The following PEAK1 variants were observed in gnomAD, a reference collection of about 807,000 sequenced individuals.
PEAK1 encodes pseudopodium enriched atypical kinase 1.
PEAK1 carries 54 observed loss-of-function variants against 124.7 expected under a neutral mutation model. That is an observed-to-expected ratio of 0.43 (90% CI 0.35 to 0.54). The LOEUF is 0.54. Among genes scored for constraint, PEAK1 ranks in the 20% least tolerant of loss-of-function variants. The pLI is 0.01. For missense variants in PEAK1, 2,046 were observed against 2,134.5 expected (o/e 0.96, Z 0.82); for synonymous variants, 719 against 760.0 (o/e 0.95, Z 0.89).
chr15:77,346,429 T>C, intron 2 of PEAK1: 1 of 984,870 alleles, frequency 1.0e-6, no homozygotes, highest in Middle Eastern at 5.2e-4. Context: ...ATGACAGTGA[T>C]CAGTCCCTTG....
chr15:77,281,748 G>A (rs1051636711), intron 5 of PEAK1, among the ~76,000 whole-genome samples: 1 of 151,978 alleles, frequency 6.6e-6, no homozygotes, highest in African/African-American at 2.4e-5. Context: ...AAAAATAAAC[G>A]TGGCATACAT....
intron 5 of PEAK1, among the ~76,000 whole-genome samples, chr15:77,256,727 A>C (rs1410247969): frequency 6.6e-6 from 1 of 151,696 alleles, no homozygotes; most frequent in East Asian, 1.9e-4. Context: ...ATTTTTTTTA[A>C]ATTTTATTAT....
At chr15:77,262,953 T>C (rs1193026678) in intron 5 of PEAK1, among the ~76,000 whole-genome samples, 1 of 152,078 alleles carries the variant, frequency 6.6e-6, no homozygotes, top group Non-Finnish European at 1.5e-5. Context: ...AGAAACTCAC[T>C]CAAAACCACT....
intron 6 of PEAK1, among the ~76,000 whole-genome samples, chr15:77,242,961 T>C (rs1488497700): frequency 6.6e-6 from 1 of 152,208 alleles, no homozygotes; most frequent in Non-Finnish European, 1.5e-5. Context: ...TATCAAACTA[T>C]GCATATTCAG....
Position 77,114,496 on chromosome 15 carries a change from T to G in PEAK1, c.4901A>C (p.Tyr1634Ser). 1 of 1,613,652 alleles carries G rather than the reference T, an allele frequency of 6.2e-7. No individual in the cohort carries two copies. The highest frequency in any genetic ancestry group is 1.3e-5 in the African/African-American group (1 of 74,872). The change falls in exon 10 of 10, where the codon TAC (tyrosine) becomes TCC (serine). Residue 1634 changes from tyrosine (Y) to serine (S), a missense_variant. Tyr to Ser is a moderately radical substitution (Grantham distance 144). Coordinates refer to ENST00000682557, the MANE Select transcript of PEAK1 (RefSeq NM_001385026.1). The stretch of plus-strand genomic sequence containing the variant: ...GGCCAGCTGCTGCAGACCCCGGGAG[T>G]AGGGGGAGCGGAATGGGATGCGAGG... ...DLPRIPFRSP[Y>S]SRGLQQLASC...
At chr15:77,255,523 T>A in intron 5 of PEAK1, 2 of 303,104 alleles carry the variant, frequency 6.6e-6, no homozygotes, top group Non-Finnish European at 9.7e-6. Flanking sequence ...AAGAAAAATA[T>A]TCCCAAAATA....
intron 6 of PEAK1, among the ~76,000 whole-genome samples, chr15:77,230,481 G>A (rs2059863753): frequency 1.3e-5 from 2 of 152,162 alleles, no homozygotes; most frequent in Admixed American, 6.5e-5. Flanking sequence ...TTACAGGCAT[G>A]AGCCACTGTG....
At chr15:77,140,597 A>T (rs1245456619) in intron 8 of PEAK1, among the ~76,000 whole-genome samples, 1 of 152,212 alleles carries the variant, frequency 6.6e-6, no homozygotes, top group African/African-American at 2.4e-5. Context: ...AACATCCTCA[A>T]CCTGACAAAG....
chr15:77,115,227 G>A lies in PEAK1; in HGVS notation c.4170C>T (p.Asp1390=). The stretch of plus-strand genomic sequence containing the variant: ...GGACTTCAGCAAGGAAATGACCACA[G>A]TCCTGCTGAATGTTAAAATGGACAG... ...SLAVHFNIQQ[D]CGHFLAEVPN... Residue 1390 remains aspartate, a synonymous_variant, in exon 10 of 10, where the codon GAC becomes GAT. Transcript: ENST00000682557. The A allele has an allele frequency of 2.5e-6, 4 of 1,614,168 alleles. No homozygotes were observed. Among genetic ancestry groups the A allele is most frequent in the Non-Finnish European group, 3.4e-6 (4 of 1,180,000 alleles).
chr15:77,205,438 G>A (rs558895065), intron 6 of PEAK1, among the ~76,000 whole-genome samples: 5 of 152,182 alleles, frequency 3.3e-5, no homozygotes, highest in African/African-American at 7.2e-5. Context: ...ATAATACAAA[G>A]CATACTAACT....
chr15:77,266,994 G>A (rs889793390), intron 5 of PEAK1, among the ~76,000 whole-genome samples: 3 of 152,134 alleles, frequency 2.0e-5, no homozygotes, highest in Admixed American at 2.0e-4. Flanking sequence ...TGGGGGTGGG[G>A]GCAGGGGCAC....
chr15:77,102,546 CTGTT>C (rs1318705237), exon 7 of PEAK1: 1 of 152,164 alleles, frequency 6.6e-6, no homozygotes, highest in Admixed American at 6.5e-5. Flanking sequence ...GCATGTAACT[CTGTT>C]TGATCTGTTT....
chr15:77,332,210 A>T (rs2065930565), intron 2 of PEAK1: 3 of 979,108 alleles, frequency 3.1e-6, no homozygotes, highest in South Asian at 9.4e-5. Context: ...CTAACAATGC[A>T]TATGTGAGTC....
rs2051164323 is a variant in PEAK1, at chr15:77,114,372, G to C, written c.5025C>G (p.Phe1675Leu). Residue 1675 changes from phenylalanine (F) to leucine (L), a missense_variant, in exon 10 of 10, where the codon TTC (phenylalanine) becomes TTG (leucine). Phe to Leu is a conservative substitution (Grantham distance 22, BLOSUM62 0). Transcript: ENST00000682557. ...CLLWGPREDL[F>L]QTFTACPSLV... ...GGCTAGGGCAGGCGGTGAAAGTCTG[G>C]AAGAGATCTTCGCGGGGGCCCCAGA... 6.2e-7 allele frequency: 1 copy of C among 1,614,092 alleles called. No individual in the cohort carries two copies. Among genetic ancestry groups the C allele is most frequent in the African/African-American group, 1.3e-5 (1 of 74,940 alleles).
At chr15:77,289,359 A>G (rs2063095378) in intron 2 of PEAK1, among the ~76,000 whole-genome samples, 1 of 152,234 alleles carries the variant, frequency 6.6e-6, no homozygotes, top group East Asian at 1.9e-4. Flanking sequence ...ATAAGACTCT[A>G]TTTCAATTAG....
At chr15:77,417,719 C>T (rs2073003966) in intron 1 of PEAK1, 1 of 985,390 alleles carries the variant, frequency 1.0e-6, no homozygotes, top group Non-Finnish European at 1.2e-6. Flanking sequence ...ACTTAAACAG[C>T]ACATCAGTAC....
chr15:77,236,253 G>A (rs2060118381), intron 6 of PEAK1, among the ~76,000 whole-genome samples: 2 of 152,194 alleles, frequency 1.3e-5, no homozygotes, highest in African/African-American at 4.8e-5. Flanking sequence ...GCCAGCCTGT[G>A]AAAGCAGCTG....
chr15:77,130,692 G>A (rs2052781938), intron 9 of PEAK1, among the ~76,000 whole-genome samples: 1 of 152,316 alleles, frequency 6.6e-6, no homozygotes, highest in African/African-American at 2.4e-5. Context: ...AAGGGACTAT[G>A]GGAATGGAGG....
At chr15:77,285,729 G>C (rs1349201850) in intron 3 of PEAK1, among the ~76,000 whole-genome samples, 1 of 150,752 alleles carries the variant, frequency 6.6e-6, no homozygotes, top group Non-Finnish European at 1.5e-5. Context: ...TTTTTTTATT[G>C]CATCTATTTG....
Sources: gnomAD v4.1 joint callset for allele counts (sites outside exome capture counted in the v4.1 genomes callset) on GRCh38, gnomAD v4.1.1 for gene constraint, MANE v1.5 for transcripts, NCBI Gene and HGNC (gene_info 2026-07-23, HGNC 2026-07-21) for gene names.